The following ADAM32 variants were observed in gnomAD, a reference collection of about 807,000 sequenced individuals.
The protein encoded by ADAM32 is disintegrin and metalloproteinase domain-containing protein 32.
A neutral mutation model predicts 114.9 loss-of-function variants in ADAM32; 89 were observed. The observed-to-expected ratio is 0.77, with a 90% CI of 0.65 to 0.92. ADAM32 has a LOEUF of 0.92. ADAM32 is among the 40% of genes least tolerant of loss of function. The pLI is 0.00. For synonymous variants in ADAM32, 285 were observed against 307.5 expected (o/e 0.93, Z 0.77); for missense variants, 870 against 932.8 (o/e 0.93, Z 0.88).
intron 15 of ADAM32, 42 bp downstream of exon 15, chr8:39,232,177 T>C (rs970111421): frequency 2.0e-6 from 3 of 1,492,484 alleles, no homozygotes; most frequent in Non-Finnish European, 2.7e-6. Flanking sequence ...TTATATTCTA[T>C]TAGATTTTTA....
In ADAM32 at chr8:39,219,039, T is replaced by G. The variant is rs80054730; in HGVS notation, c.1234-2571T>G. 4.4e-3 allele frequency among the ~76,000 whole-genome samples: 670 copies of G among 152,008 alleles called. 4 individuals are homozygous for G. Among genetic ancestry groups the G allele is most frequent in the African/African-American group, 0.015 (637 of 41,466 alleles). On this transcript the variant is annotated intron_variant, in intron 12 of 24. Transcript: ENST00000379907. ...GCAGCAGGTTCCCTTCTGGCCAGGG[T>G]GTGTTTAGAAATATCTAGGAACTAG...
chr8:39,252,269 G>T (rs1811355216), intron 17 of ADAM32, among the ~76,000 whole-genome samples: 1 of 151,602 alleles, frequency 6.6e-6, no homozygotes, highest in Middle Eastern at 3.4e-3. Context: ...GACCACACTA[G>T]ATTGAAGCTA....
At chr8:39,135,635 A>G (rs1802754563) in intron 2 of ADAM32, among the ~76,000 whole-genome samples, 1 of 152,156 alleles carries the variant, frequency 6.6e-6, no homozygotes, top group African/African-American at 2.4e-5. Flanking sequence ...CCGGGATCCA[A>G]TCCAGAATAC....
chr8:39,249,249 A>G (rs1035023057), intron 17 of ADAM32, among the ~76,000 whole-genome samples: 3 of 152,070 alleles, frequency 2.0e-5, no homozygotes, highest in Non-Finnish European at 2.9e-5. Context: ...GTATTTATTG[A>G]TATGATAATG....
intron 11 of ADAM32, among the ~76,000 whole-genome samples, chr8:39,200,142 T>A (rs1807300656): frequency 6.6e-6 from 1 of 152,200 alleles, no homozygotes; most frequent in Admixed American, 6.5e-5. Context: ...TACCCAGTAA[T>A]GGGATGGCTG....
intron 21 of ADAM32, among the ~76,000 whole-genome samples, chr8:39,275,457 A>G (rs1813015258): frequency 6.6e-6 from 1 of 152,214 alleles, no homozygotes; most frequent in South Asian, 2.1e-4. Flanking sequence ...TCTTGACATT[A>G]GTGTGGATTT....
Position 39,147,132 on chromosome 8 carries a change from A to AT in ADAM32, c.209dup (p.Leu70PhefsTer4). On this transcript the variant is annotated frameshift_variant, in exon 4 of 25. Coordinates refer to ENST00000379907, the MANE Select transcript of ADAM32 (RefSeq NM_145004.7). LOFTEE classifies it high-confidence loss of function. ...ATTTCCTCTTTTTTTATATTCAGAT[A>AT]TTTTTTAGCAGATAATTTTATGATC... The AT allele has an allele frequency of 1.0e-6, 1 of 976,914 alleles. No individual in the cohort carries two copies. The highest frequency in any genetic ancestry group is 3.5e-5 in the East Asian group (1 of 28,696). The allele number at this position is 976,914 out of a possible 1,614,324, so 60.5% of individuals were successfully genotyped here.
intron 11 of ADAM32, among the ~76,000 whole-genome samples, chr8:39,198,853 C>A (rs556977052): frequency 3.9e-5 from 6 of 152,128 alleles, no homozygotes; most frequent in African/African-American, 1.4e-4. Flanking sequence ...TCTCCTTTTA[C>A]TTCCTGGTTT....
At chr8:39,114,131 T>C (rs1458740084) in intron 1 of ADAM32, among the ~76,000 whole-genome samples, 1 of 152,188 alleles carries the variant, frequency 6.6e-6, no homozygotes, top group African/African-American at 2.4e-5. Flanking sequence ...TATCCCTTGA[T>C]CTATATAAGT....
intron 11 of ADAM32, among the ~76,000 whole-genome samples, chr8:39,199,451 A>G (rs1807228917): frequency 6.6e-6 from 1 of 152,118 alleles, no homozygotes. Context: ...AAGTTCAGAA[A>G]TTCTTTCTTC....
chr8:39,191,955 A>C (rs1806641218), intron 11 of ADAM32, among the ~76,000 whole-genome samples: 1 of 152,168 alleles, frequency 6.6e-6, no homozygotes, highest in African/African-American at 2.4e-5. Flanking sequence ...TGTCAGCAGG[A>C]ATGGTACCCG....
At chr8:39,269,423 A>G (rs577834410) in intron 19 of ADAM32, among the ~76,000 whole-genome samples, 1 of 152,330 alleles carries the variant, frequency 6.6e-6, no homozygotes, top group South Asian at 2.1e-4. Flanking sequence ...GTCTTACCCC[A>G]TCTTGGCCAG....
At position 39,173,780 on chromosome 8, in the gene ADAM32, GT is replaced by G. The variant is rs555201136; in HGVS notation, c.915+3787del. 5.4e-3 allele frequency among the ~76,000 whole-genome samples: 814 copies of G among 151,900 alleles called. 8 individuals carry two copies. Among genetic ancestry groups the G allele is most frequent in the African/African-American group, 0.019 (778 of 41,422 alleles). ...GACGTTGCCTAGATTTTCTTCAAAG[GT>G]TTTGATAGTTTTGGGTTTTACATTT... On this transcript the variant is annotated intron_variant, in intron 10 of 24. Coordinates refer to ENST00000379907, the MANE Select transcript of ADAM32 (RefSeq NM_145004.7).
intron 20 of ADAM32, among the ~76,000 whole-genome samples, chr8:39,272,804 G>T (rs150725703): frequency 6.6e-6 from 1 of 151,924 alleles, no homozygotes; most frequent in Non-Finnish European, 1.5e-5. Flanking sequence ...TTAACCTTAC[G>T]TTTTACTATA....
chr8:39,129,955 C>CT (rs71552835), intron 2 of ADAM32: 9,335 of 243,606 alleles, frequency 0.038, 2 homozygotes, highest in South Asian at 0.065. Flanking sequence ...ATCACATTTC[C>CT]TTTTTTTTTT....
intron 19 of ADAM32, among the ~76,000 whole-genome samples, chr8:39,259,868 C>T (rs999286740): frequency 6.6e-6 from 1 of 152,202 alleles, no homozygotes; most frequent in Non-Finnish European, 1.5e-5. Context: ...TGCATTTCCA[C>T]AGCCAGTATA....
chr8:39,186,422 C>A (rs918143967), intron 10 of ADAM32, among the ~76,000 whole-genome samples: 4 of 152,178 alleles, frequency 2.6e-5, no homozygotes, highest in African/African-American at 9.7e-5. Context: ...TCTGTGGCTT[C>A]TTTTCATACC....
At chr8:39,279,326 C>G (rs946732866) in intron 22 of ADAM32, among the ~76,000 whole-genome samples, 2 of 151,974 alleles carry the variant, frequency 1.3e-5, no homozygotes, top group African/African-American at 4.8e-5. Context: ...TCTCTGTTGC[C>G]CAGGCTGGAA....
intron 20 of ADAM32, among the ~76,000 whole-genome samples, chr8:39,273,996 T>C (rs1302982498): frequency 6.8e-6 from 1 of 146,312 alleles, no homozygotes; most frequent in Non-Finnish European, 1.5e-5. Flanking sequence ...CTATGTTCTA[T>C]GTTTAGAAAT....
Sources: allele counts gnomAD v4.1 joint callset (sites outside exome capture counted in the v4.1 genomes callset), GRCh38; gene constraint gnomAD v4.1.1; transcripts MANE v1.5; gene names NCBI Gene and HGNC (gene_info 2026-07-23, HGNC 2026-07-21).